The following CDH10 variants were observed in gnomAD, a reference collection of about 807,000 sequenced individuals.
CDH10 encodes cadherin 10, also known as cadherin-10.
In CDH10, 30 loss-of-function variants were observed where a neutral mutation model predicts 73.1. The observed-to-expected ratio is 0.41, with a 90% CI of 0.31 to 0.56. CDH10 has a LOEUF of 0.56. Among genes scored for constraint, CDH10 ranks in the 20% least tolerant of loss-of-function variants. The pLI is 0.27. For synonymous variants in CDH10, 345 were observed against 348.2 expected (o/e 0.99, Z 0.10); for missense variants, 815 against 973.7 (o/e 0.84, Z 2.17).
At chr5:24,631,399 A>G (rs550082386) in intron 1 of CDH10, among the ~76,000 whole-genome samples, 1 of 152,032 alleles carries the variant, frequency 6.6e-6, no homozygotes, top group African/African-American at 2.4e-5. Context: ...AAATCAGTAC[A>G]TATCACTGAA....
intron 5 of CDH10, among the ~76,000 whole-genome samples, chr5:24,526,271 AC>A (rs1388237076): frequency 6.6e-6 from 1 of 151,960 alleles, no homozygotes; most frequent in Non-Finnish European, 1.5e-5. Context: ...TTTCCACTGG[AC>A]TAACTGGAAT....
intron 5 of CDH10, among the ~76,000 whole-genome samples, chr5:24,518,968 G>A (rs1159811519): frequency 7.3e-6 from 1 of 137,912 alleles, no homozygotes; most frequent in Non-Finnish European, 1.5e-5. Context: ...TTGGCTCACT[G>A]CAACCTCCAC....
chr5:24,516,973 A>C (rs757633589), intron 5 of CDH10, among the ~76,000 whole-genome samples: 1 of 152,070 alleles, frequency 6.6e-6, no homozygotes, highest in African/African-American at 2.4e-5. Context: ...ATTTGAAATA[A>C]ATCTAATTAT....
At chr5:24,492,992 A>G in intron 9 of CDH10, 67 bp from the exon 10 acceptor site, 1 of 702,596 alleles carries the variant, frequency 1.4e-6, no homozygotes, top group Non-Finnish European at 2.6e-6. Context: ...TGCACTTAAG[A>G]TCTTCATTTT....
At chr5:24,526,350 C>G (rs898470064) in intron 5 of CDH10, among the ~76,000 whole-genome samples, 5 of 151,966 alleles carry the variant, frequency 3.3e-5, no homozygotes, top group African/African-American at 1.2e-4. Context: ...CAGTTCATCA[C>G]AGACGGAAAA....
At chr5:24,622,691 TTGG>T (rs1219118060) in intron 1 of CDH10, among the ~76,000 whole-genome samples, 2 of 152,124 alleles carry the variant, frequency 1.3e-5, no homozygotes, top group Admixed American at 1.3e-4. Flanking sequence ...GCGGTATTTA[TTGG>T]TGGTGGTAGC....
intron 1 of CDH10, among the ~76,000 whole-genome samples, chr5:24,623,998 A>G (rs967308796): frequency 6.6e-6 from 1 of 152,132 alleles, no homozygotes; most frequent in Non-Finnish European, 1.5e-5. Context: ...CTATCAAAGC[A>G]TAACAGCAGG....
chr5:24,548,335 G>A (rs917378271), intron 2 of CDH10, among the ~76,000 whole-genome samples: 1 of 151,820 alleles, frequency 6.6e-6, no homozygotes, highest in Non-Finnish European at 1.5e-5. Context: ...GGCCAGGCTG[G>A]TCTTCAAACT....
chr5:24,608,917 C>G (rs1349588019), intron 1 of CDH10, among the ~76,000 whole-genome samples: 1 of 152,198 alleles, frequency 6.6e-6, no homozygotes, highest in East Asian at 1.9e-4. Context: ...ACACATTATG[C>G]ATAGCTGCAC....
intron 2 of CDH10, among the ~76,000 whole-genome samples, chr5:24,551,195 A>T (rs569889235): frequency 3.3e-5 from 5 of 152,128 alleles, no homozygotes; most frequent in African/African-American, 1.2e-4. Flanking sequence ...TTTCTACCTC[A>T]GCCTTTTGCA....
intron 2 of CDH10, among the ~76,000 whole-genome samples, chr5:24,556,583 T>G (rs2111972754): frequency 6.6e-6 from 1 of 151,884 alleles, no homozygotes; most frequent in South Asian, 2.1e-4. Context: ...TCAGTTATAA[T>G]GAGCTCCATC....
intron 7 of CDH10, 29 bp from the exon 8 acceptor site, chr5:24,505,277 TG>T: frequency 6.3e-7 from 1 of 1,599,006 alleles, no homozygotes; most frequent in South Asian, 1.1e-5. Context: ...AAAAAATACA[TG>T]GCAGCATTAT....
At chr5:24,576,932 T>G (rs1320585197) in intron 2 of CDH10, among the ~76,000 whole-genome samples, 1 of 151,868 alleles carries the variant, frequency 6.6e-6, no homozygotes, top group African/African-American at 2.4e-5. Flanking sequence ...TATGATGTGC[T>G]GAGAATGGCA....
intron 1 of CDH10, among the ~76,000 whole-genome samples, chr5:24,614,786 A>G (rs1231352477): frequency 3.3e-5 from 5 of 152,214 alleles, no homozygotes; most frequent in Admixed American, 2.6e-4. Flanking sequence ...GGGGCATAGT[A>G]CAAGACTCAT....
chr5:24,642,957 T>A (rs1367262134), intron 1 of CDH10, among the ~76,000 whole-genome samples: 2 of 141,182 alleles, frequency 1.4e-5, no homozygotes, highest in African/African-American at 5.2e-5. Flanking sequence ...AGACATTGAC[T>A]CACACTTTAA....
At chr5:24,560,671 C>T (rs1744927944) in intron 2 of CDH10, among the ~76,000 whole-genome samples, 1 of 151,946 alleles carries the variant, frequency 6.6e-6, no homozygotes. Context: ...GTCATGTTTT[C>T]AAGGAATCTT....
chr5:24,499,701 T>A lies in CDH10; in HGVS notation c.1394-1182A>T, dbSNP rs1384509934. Among the ~76,000 whole-genome samples, 5 of 134,874 alleles carry A rather than the reference T, an allele frequency of 3.7e-5. No individual in the cohort carries two copies. In the East Asian group the frequency reaches 6.6e-4, roughly 18 times the overall value. 88.5% of individuals were successfully genotyped at this position (134,874 alleles called of 152,430 possible). A position where few individuals can be genotyped will look rare whatever the true frequency, so the allele number is the denominator to read the frequency against. On this transcript the variant is annotated intron_variant, in intron 8 of 11. Coordinates refer to ENST00000264463, the MANE Select transcript of CDH10 (RefSeq NM_006727.5). ...GATTCCATCTCAGAAAAAAAAAAAA[T>A]GATGCATTTTCAAACTTGTTTTGAT... is the stretch of plus-strand genomic sequence containing the variant.
intron 1 of CDH10, among the ~76,000 whole-genome samples, chr5:24,643,573 C>T (rs1416525973): frequency 2.6e-5 from 4 of 151,746 alleles, no homozygotes; most frequent in Admixed American, 2.6e-4. Flanking sequence ...CTCCAAAGAG[C>T]TGAGAAGTAA....
rs573841349 is a variant in CDH10, at chr5:24,493,023, A to C, written c.1516-98T>G. ...ATTTTGTCTGAAGTTGTTCAAAATA[A>C]TTGACTTTTATTTCATGTGAATGTA... is the stretch of plus-strand genomic sequence containing the variant. On this transcript the variant is annotated intron_variant, in intron 9 of 11. Coordinates refer to ENST00000264463, the MANE Select transcript of CDH10 (RefSeq NM_006727.5). The C allele has an allele frequency of 7.9e-6, 5 of 632,446 alleles. No homozygotes were observed. In the East Asian group the frequency reaches 1.3e-4, roughly 16 times the overall value. The allele number at this position is 632,446 out of a possible 1,614,324, so 39.2% of individuals were successfully genotyped here.
Sources: allele counts gnomAD v4.1 joint callset (sites outside exome capture counted in the v4.1 genomes callset), GRCh38; gene constraint gnomAD v4.1.1; transcripts MANE v1.5; gene names NCBI Gene and HGNC (gene_info 2026-07-23, HGNC 2026-07-21).